The following PCDHGB7 variants were observed in gnomAD, a reference collection of about 807,000 sequenced individuals.
PCDHGB7 encodes protocadherin gamma subfamily B, 7, also known as protocadherin gamma-B7.
A neutral mutation model predicts 61.4 loss-of-function variants in PCDHGB7; 37 were observed. The observed-to-expected ratio is 0.60, with a 90% CI of 0.46 to 0.79. The LOEUF is 0.79. PCDHGB7 is among the 30% of genes least tolerant of loss of function. PCDHGB7 has a pLI of 0.00. For missense variants in PCDHGB7, 1,166 were observed against 1,202.5 expected, an observed-to-expected ratio of 0.97 and a Z score of 0.45; for synonymous variants, 464 against 503.5, an observed-to-expected ratio of 0.92 and a Z score of 1.05.
chr5:141,423,996 A>G (rs1164307988), intron 1 of PCDHGB7: 1 of 1,079,028 alleles, frequency 9.3e-7, no homozygotes, highest in African/African-American at 1.7e-5. Context: ...AATTTATTAT[A>G]TATAGATACA....
chr5:141,423,626 T>C (rs745796529), intron 1 of PCDHGB7: 1 of 1,606,498 alleles, frequency 6.2e-7, no homozygotes, highest in South Asian at 1.1e-5. Context: ...GACTCAGCTA[T>C]CATTTTAGGC....
At chr5:141,500,729 C>T (rs1434863449) in intron 2 of PCDHGB7, among the ~76,000 whole-genome samples, 2 of 152,130 alleles carry the variant, frequency 1.3e-5, no homozygotes, top group Non-Finnish European at 2.9e-5. Flanking sequence ...CCATGTCTTT[C>T]AAAATTCTTC....
At chr5:141,461,979 A>C (rs1420971777) in intron 1 of PCDHGB7, among the ~76,000 whole-genome samples, 1 of 152,144 alleles carries the variant, frequency 6.6e-6, no homozygotes, top group Non-Finnish European at 1.5e-5. Context: ...ATATGCCACC[A>C]CGCCAGGCTA....
intron 2 of PCDHGB7, 117 bp downstream of exon 2, chr5:141,494,982 G>C: frequency 6.4e-7 from 1 of 1,563,940 alleles, no homozygotes; most frequent in Non-Finnish European, 8.7e-7. Context: ...CTCAGTTTGA[G>C]ATCCCAGGGA....
At chr5:141,443,330 C>A (rs1005631067) in intron 1 of PCDHGB7, among the ~76,000 whole-genome samples, 44 of 139,282 alleles carry the variant, frequency 3.2e-4, no homozygotes, top group African/African-American at 4.5e-4. Flanking sequence ...AAAAAAAAAA[C>A]AAAAATTAAC....
At chr5:141,448,850 C>A (rs1227646790) in intron 1 of PCDHGB7, among the ~76,000 whole-genome samples, 1 of 152,048 alleles carries the variant, frequency 6.6e-6, no homozygotes, top group Non-Finnish European at 1.5e-5. Context: ...GAGGCTGAGG[C>A]AGGAGAATGG....
At chr5:141,488,042 G>T (rs2099670966) in intron 1 of PCDHGB7, among the ~76,000 whole-genome samples, 1 of 152,168 alleles carries the variant, frequency 6.6e-6, no homozygotes, top group Non-Finnish European at 1.5e-5. Context: ...TTTCCCAAGG[G>T]ATTGAGGGGA....
Position 141,512,703 on chromosome 5 carries a change from T to C in PCDHGB7, c.*1530T>C. ...TAGCCAGTAGTGTAGTGCGGTGTGC[T>C]TTTACGTGATGGCGGGTGGGCAGCG... On this transcript the variant is annotated 3_prime_UTR_variant, in exon 4 of 4. Coordinates refer to ENST00000398594, the MANE Select transcript of PCDHGB7 (RefSeq NM_018927.4). 1 of 152,958 alleles carries C rather than the reference T, an allele frequency of 6.5e-6. No individual in the cohort carries two copies. Among genetic ancestry groups the C allele is most frequent in the East Asian group, 1.9e-4 (1 of 5,212 alleles). 9.5% of individuals were successfully genotyped at this position (152,958 alleles called of 1,614,324 possible).
At chr5:141,420,432 T>C in intron 1 of PCDHGB7, 158 bp downstream of exon 1, 2 of 1,149,120 alleles carry the variant, frequency 1.7e-6, no homozygotes, top group Non-Finnish European at 2.3e-6. Flanking sequence ...AAAGTTTAAA[T>C]TAAATGCCTC....
Position 141,476,657 on chromosome 5 carries a change from G to A in PCDHGB7, c.2416-18150G>A, listed in dbSNP as rs759887729. On this transcript the variant is annotated intron_variant, in intron 1 of 3. Coordinates refer to ENST00000398594, the MANE Select transcript of PCDHGB7 (RefSeq NM_018927.4). This position sits in a 1 kb window ranked among gnomAD's most constrained non-coding sequence, Gnocchi z 7.6. ...TGAGCTGAGCCGAAATGAATACTTTGCGCTTCGCGTGCAGACGCGGGAGGA... is the reference window on the plus strand; with the variant it reads ...TGAGCTGAGCCGAAATGAATACTTTACGCTTCGCGTGCAGACGCGGGAGGA... 1.9e-6 allele frequency: 3 copies of A among 1,614,140 alleles called. No homozygotes were observed. Among genetic ancestry groups the A allele is most frequent in the Non-Finnish European group, 2.5e-6 (3 of 1,180,060 alleles).
Position 141,491,454 on chromosome 5 carries a change from C to T in PCDHGB7, c.2416-3353C>T. The T allele has an allele frequency of 1.9e-6, 3 of 1,614,120 alleles. No individual in the cohort carries two copies. The highest frequency in any genetic ancestry group is 2.5e-6 in the Non-Finnish European group (3 of 1,180,032). On this transcript the variant is annotated intron_variant, in intron 1 of 3. Coordinates refer to ENST00000398594, the MANE Select transcript of PCDHGB7 (RefSeq NM_018927.4). This position sits in a 1 kb window ranked among gnomAD's most constrained non-coding sequence, Gnocchi z 6.9. ...GCTGCAGGCGCCAGGACTCACCCTCCCCGGACTTCTATAAGCAGTCCAGCC... is the reference window on the plus strand; with the variant it reads ...GCTGCAGGCGCCAGGACTCACCCTCTCCGGACTTCTATAAGCAGTCCAGCC...
rs747671382 is a variant in PCDHGB7 at position 141,444,152 on chromosome 5, A to ATTTTTTT, written c.2415+23908_2415+23914dup. On this transcript the variant is annotated intron_variant, in intron 1 of 3. Coordinates refer to ENST00000398594, the MANE Select transcript of PCDHGB7 (RefSeq NM_018927.4). ...GATATGTGTCACTTGTGTGTACTGG[A>ATTTTTTT]TTTTTTTTTTTTTTTTTTTTTTTTT... Among the ~76,000 whole-genome samples, 8 of 33,896 alleles carry ATTTTTTT rather than the reference A, an allele frequency of 2.4e-4. 2 individuals are homozygous for ATTTTTTT. The highest frequency in any genetic ancestry group is 2.1e-3 in the South Asian group (2 of 962). 22.2% of individuals were successfully genotyped at this position (33,896 alleles called of 152,430 possible).
At chr5:141,437,741 C>CT (rs35124340) in intron 1 of PCDHGB7, among the ~76,000 whole-genome samples, 18,734 of 141,656 alleles carry the variant, frequency 0.13, 1,459 homozygotes, top group African/African-American at 0.22. Context: ...TTGAGTTCAC[C>CT]TTTTTTTTTT....
intron 1 of PCDHGB7, chr5:141,430,875 T>A (rs1323872183): frequency 6.3e-7 from 1 of 1,599,400 alleles, no homozygotes; most frequent in Non-Finnish European, 8.5e-7. Context: ...CCGGAAGAGC[T>A]GGAGAAAGGC....
rs1054594374 is a variant in PCDHGB7 at position 141,489,607 on chromosome 5, A to G, written c.2416-5200A>G. On this transcript the variant is annotated intron_variant, in intron 1 of 3. Coordinates refer to ENST00000398594, the MANE Select transcript of PCDHGB7 (RefSeq NM_018927.4). This position sits in a 1 kb window ranked among gnomAD's most constrained non-coding sequence, Gnocchi z 4.5. ...GGAGCTAATCCGTGTAGAGGTAGAG[A>G]TCCTGGATCTCAATGACAACTCTCC... The G allele has an allele frequency of 6.2e-6, 10 of 1,613,850 alleles. No homozygotes were observed. The highest frequency in any genetic ancestry group is 8.5e-6 in the Non-Finnish European group (10 of 1,179,956).
chr5:141,439,625 CCA>C (rs1281773200), intron 1 of PCDHGB7, among the ~76,000 whole-genome samples: 1 of 152,150 alleles, frequency 6.6e-6, no homozygotes, highest in African/African-American at 2.4e-5. Flanking sequence ...GAGCCAATCC[CCA>C]GACATTCCGG....
chr5:141,451,579 A>G (rs1222576609), intron 1 of PCDHGB7, among the ~76,000 whole-genome samples: 1 of 152,084 alleles, frequency 6.6e-6, no homozygotes, highest in Non-Finnish European at 1.5e-5. Flanking sequence ...TTATAAACCT[A>G]ATTTTGAAAG....
intron 1 of PCDHGB7, among the ~76,000 whole-genome samples, chr5:141,457,171 T>C (rs1337137368): frequency 3.3e-5 from 5 of 152,216 alleles, no homozygotes; most frequent in Non-Finnish European, 7.3e-5. Flanking sequence ...GATAACCCTA[T>C]TGCAAATAGT....
At chr5:141,421,303 G>C in intron 1 of PCDHGB7, 1 of 1,613,660 alleles carries the variant, frequency 6.2e-7, no homozygotes, top group Non-Finnish European at 8.5e-7. Context: ...GACGCTGCGG[G>C]GGTTCCGGGC....
Sources: gnomAD v4.1 joint callset for allele counts (sites outside exome capture counted in the v4.1 genomes callset) on GRCh38, gnomAD v4.1.1 for gene constraint, Gnocchi (gnomAD v3.1) non-coding constraint, MANE v1.5 for transcripts, NCBI Gene and HGNC (gene_info 2026-07-23, HGNC 2026-07-21) for gene names.